Variants in RMST observed in about 807,000 individuals in gnomAD.
The protein encoded by RMST is long intergenic non-protein coding RNA 54.
intron 10 of RMST, among the ~76,000 whole-genome samples, chr12:97,512,353 T>C (rs1057465590): frequency 1.3e-5 from 2 of 152,104 alleles, no homozygotes; most frequent in Admixed American, 6.5e-5. Flanking sequence ...GAACAAAGCT[T>C]CCACAGCGTG....
At chr12:97,494,534 A>G (rs1428161671) in intron 8 of RMST, among the ~76,000 whole-genome samples, 1 of 152,168 alleles carries the variant, frequency 6.6e-6, no homozygotes, top group African/African-American at 2.4e-5. Context: ...TGGGTAACAG[A>G]GACCACATCG....
chr12:97,535,391 A>G (rs1881990547), intron 11 of RMST, among the ~76,000 whole-genome samples: 1 of 151,730 alleles, frequency 6.6e-6, no homozygotes, highest in Non-Finnish European at 1.5e-5. Flanking sequence ...AGATACTTTT[A>G]ACTCAAATGC....
chr12:97,469,962 A>G (rs957245888), intron 5 of RMST, among the ~76,000 whole-genome samples: 2 of 152,050 alleles, frequency 1.3e-5, no homozygotes, highest in Non-Finnish European at 2.9e-5. Flanking sequence ...CAACTGTATC[A>G]TTGTCTATTT....
At chr12:97,537,029 G>A (rs1416166698) in intron 11 of RMST, among the ~76,000 whole-genome samples, 2 of 151,544 alleles carry the variant, frequency 1.3e-5, no homozygotes, top group African/African-American at 2.4e-5. Context: ...GAATGAAAAA[G>A]CAACTAAAGG....
chr12:97,516,187 AT>A (rs1355040952), intron 10 of RMST, among the ~76,000 whole-genome samples: 3 of 151,744 alleles, frequency 2.0e-5, no homozygotes, highest in Admixed American at 6.6e-5. Flanking sequence ...CCTTTATATT[AT>A]TTTTTCCTTT....
intron 5 of RMST, among the ~76,000 whole-genome samples, chr12:97,490,577 T>A (rs1876677497): frequency 6.6e-6 from 1 of 152,138 alleles, no homozygotes; most frequent in Non-Finnish European, 1.5e-5. Flanking sequence ...TATTTCATTA[T>A]CATCACCACC....
intron 11 of RMST, chr12:97,530,913 T>C (rs1259056049): frequency 2.6e-5 from 4 of 152,066 alleles, no homozygotes; most frequent in Admixed American, 2.0e-4. Flanking sequence ...GATTTTTGTT[T>C]GATGGTTCAT....
At chr12:97,536,452 C>T (rs564131292) in intron 11 of RMST, among the ~76,000 whole-genome samples, 83 of 151,584 alleles carry the variant, frequency 5.5e-4, no homozygotes, top group Admixed American at 7.9e-4. Context: ...ATTTCATCAA[C>T]CTTCTCATTG....
chr12:97,518,014 A>C (rs368647677), intron 10 of RMST, among the ~76,000 whole-genome samples: 1 of 152,130 alleles, frequency 6.6e-6, no homozygotes, highest in Admixed American at 6.5e-5. Context: ...TTCAGTATTT[A>C]TGGATGATTT....
At chr12:97,480,832 T>C (rs552838371) in intron 5 of RMST, among the ~76,000 whole-genome samples, 1 of 152,322 alleles carries the variant, frequency 6.6e-6, no homozygotes. Context: ...TCCTACTTTT[T>C]CTTCAGTCAA....
At chr12:97,547,323 G>A (rs1002484684) in intron 11 of RMST, among the ~76,000 whole-genome samples, 2 of 151,846 alleles carry the variant, frequency 1.3e-5, no homozygotes, top group African/African-American at 4.8e-5. Context: ...CTTGGCTGTT[G>A]TGAATAATGC....
intron 5 of RMST, among the ~76,000 whole-genome samples, chr12:97,482,078 A>C (rs1875363692): frequency 6.6e-6 from 1 of 152,226 alleles, no homozygotes; most frequent in African/African-American, 2.4e-5. Context: ...AGAAGGAACA[A>C]ACATACATGC....
intron 5 of RMST, among the ~76,000 whole-genome samples, chr12:97,492,133 T>C (rs139228599): frequency 3.3e-5 from 5 of 152,316 alleles, no homozygotes; most frequent in Non-Finnish European, 7.4e-5. Flanking sequence ...AATTCAGTAA[T>C]TTATAATGAA....
intron 10 of RMST, among the ~76,000 whole-genome samples, chr12:97,520,718 G>A (rs1475324414): frequency 6.6e-6 from 1 of 152,164 alleles, no homozygotes; most frequent in African/African-American, 2.4e-5. Context: ...TCCTATGAGT[G>A]TGTATGTGCT....
chr12:97,549,520 C>T (rs1883171814), intron 11 of RMST, among the ~76,000 whole-genome samples: 1 of 152,212 alleles, frequency 6.6e-6, no homozygotes, highest in Non-Finnish European at 1.5e-5. Context: ...GATTAAAGGA[C>T]ATTCAGCAAG....
intron 5 of RMST, among the ~76,000 whole-genome samples, chr12:97,479,554 A>G (rs75325667): frequency 0.011 from 1,640 of 152,086 alleles, 10 homozygotes; most frequent in Middle Eastern, 0.02. Context: ...CTTTTAAATT[A>G]TTTCCTAGAT....
chr12:97,468,657 CAT>C (rs1873500463), intron 5 of RMST, among the ~76,000 whole-genome samples: 1 of 151,938 alleles, frequency 6.6e-6, no homozygotes, highest in African/African-American at 2.4e-5. Flanking sequence ...TGGTCAGGAA[CAT>C]ATGGTTTGTA....
At position 97,564,901 on chromosome 12, in the gene RMST, T is replaced by G. The variant is rs568371381; in HGVS notation, n.2710T>G. 6 of 152,368 alleles carry G rather than the reference T, an allele frequency of 3.9e-5. No individual in the cohort carries two copies. In the East Asian group the frequency reaches 1.2e-3, roughly 29 times the overall value. The allele number at this position is 152,368 out of a possible 1,614,324, so 9.4% of individuals were successfully genotyped here. On this transcript the variant is annotated non_coding_transcript_exon_variant, in exon 14 of 14. Transcript: ENST00000640149. Reference sequence around the variant, plus strand: ...GAACTGTTTAATATTGACTATGGACTTACATTCACTTTTACTGTTTTCTGT... The same window carrying G: ...GAACTGTTTAATATTGACTATGGACGTACATTCACTTTTACTGTTTTCTGT...
At chr12:97,468,919 T>G (rs895336935) in intron 5 of RMST, among the ~76,000 whole-genome samples, 1 of 152,032 alleles carries the variant, frequency 6.6e-6, no homozygotes, top group African/African-American at 2.4e-5. Context: ...GCTCTTGATT[T>G]GTCACCATTA....
Sources: gnomAD v4.1 joint callset for allele counts (sites outside exome capture counted in the v4.1 genomes callset) on GRCh38, gnomAD v4.1.1 for gene constraint, MANE v1.5 for transcripts, NCBI Gene and HGNC (gene_info 2026-07-23, HGNC 2026-07-21) for gene names.